SLC38A1: variants seen among roughly 807,000 people sequenced by gnomAD.
SLC38A1 encodes sodium-coupled neutral amino acid symporter 1.
A neutral mutation model predicts 60.3 loss-of-function variants in SLC38A1; 18 were observed. The observed-to-expected ratio is 0.30, with a 90% confidence interval of 0.21 to 0.44. The LOEUF is 0.44. Ranked by LOEUF, SLC38A1 falls within the 20% of genes least tolerant of loss-of-function variation. The pLI is 1.00. For missense variants in SLC38A1, 448 were observed against 587.2 expected (o/e 0.76, Z 2.45); for synonymous variants, 196 against 212.1 (o/e 0.92, Z 0.66).
chr12:46,221,809 G>A (rs1592107993), intron 5 of SLC38A1, among the ~76,000 whole-genome samples: 1 of 152,182 alleles, frequency 6.6e-6, no homozygotes, highest in East Asian at 1.9e-4. Flanking sequence ...CTTACTATTA[G>A]AAAGATACAA....
At chr12:46,262,536 A>G (rs957082501) in intron 1 of SLC38A1, among the ~76,000 whole-genome samples, 5 of 152,220 alleles carry the variant, frequency 3.3e-5, no homozygotes, top group African/African-American at 1.2e-4. Flanking sequence ...ACAGCCTGGA[A>G]TATTTCAGCC....
intron 3 of SLC38A1, among the ~76,000 whole-genome samples, chr12:46,233,023 T>C (rs1397806580): frequency 6.6e-6 from 1 of 152,128 alleles, no homozygotes; most frequent in Admixed American, 6.5e-5. Flanking sequence ...TTTATTATTA[T>C]TATTATTATT....
In SLC38A1 at chr12:46,215,731, C is replaced by A. The variant is rs148745609; in HGVS notation, c.315-6604G>T. Among the ~76,000 whole-genome samples, 7 of 152,252 alleles carry A rather than the reference C, an allele frequency of 4.6e-5. No homozygotes were observed. The East Asian group carries it at 1.4e-3, about 29-fold the overall frequency. On this transcript the variant is annotated intron_variant, in intron 5 of 16. Coordinates refer to ENST00000398637, the MANE Select transcript of SLC38A1 (RefSeq NM_030674.4). ...ACCTCCCCTCCCCCATGTTTCACTC[C>A]TTCCAAAAGGGATCTGAGGCTTACT...
intron 3 of SLC38A1, among the ~76,000 whole-genome samples, chr12:46,231,790 C>T (rs143973775): frequency 0.016 from 2,394 of 152,308 alleles, 66 homozygotes; most frequent in African/African-American, 0.053. Flanking sequence ...CAGGTATGCA[C>T]CACCACGCCC....
At chr12:46,256,597 GT>G (rs1364648482) in intron 1 of SLC38A1, among the ~76,000 whole-genome samples, 59 of 143,482 alleles carry the variant, frequency 4.1e-4, no homozygotes, top group African/African-American at 1.5e-3. Context: ...ACCTCATCCA[GT>G]TTGCGCGCGC....
rs1941950813 is a variant in SLC38A1, at chr12:46,254,233, T to C, written c.-208-10919A>G. Among the ~76,000 whole-genome samples, 3 of 152,312 alleles carry C rather than the reference T, an allele frequency of 2.0e-5. No individual in the cohort carries two copies. The South Asian group carries it at 6.2e-4, about 32-fold the overall frequency. On this transcript the variant is annotated intron_variant, in intron 1 of 16. Coordinates refer to ENST00000398637, the MANE Select transcript of SLC38A1 (RefSeq NM_030674.4). The stretch of plus-strand genomic sequence containing the variant: ...TACATTACTCATCCCTCTTGTTTCT[T>C]CTGAGCAGCAGCTAGAGATCACTGG...
chr12:46,185,215 C>G lies in SLC38A1; in HGVS notation c.*3755G>C, dbSNP rs1239405423. ...CCATGTCTGGGAGGGGGCTGAGAAT[C>G]TGCATTCTAATGAGGTCCCCGATGA... On this transcript the variant is annotated 3_prime_UTR_variant, in exon 17 of 17. Coordinates refer to ENST00000398637, the MANE Select transcript of SLC38A1 (RefSeq NM_030674.4). 2 of 152,230 alleles carry G rather than the reference C, an allele frequency of 1.3e-5. No homozygotes were observed. Among genetic ancestry groups the G allele is most frequent in the Admixed American group, 6.5e-5 (1 of 15,286 alleles). The allele number at this position is 152,230 out of a possible 1,614,324, so 9.4% of individuals were successfully genotyped here. A position where few individuals can be genotyped will look rare whatever the true frequency, so the allele number is the denominator to read the frequency against.
rs1942441383 is a variant in SLC38A1, at chr12:46,268,608, T to A, written c.-291A>T. ...GGTTTTTACCCTCGGCAGTTTGATGTCCTTTGTGTCAAGGTCTGGCTGCGG... is the reference window on the plus strand; with the variant it reads ...GGTTTTTACCCTCGGCAGTTTGATGACCTTTGTGTCAAGGTCTGGCTGCGG... On this transcript the variant is annotated 5_prime_UTR_variant, in exon 1 of 17. Coordinates refer to ENST00000398637, the MANE Select transcript of SLC38A1 (RefSeq NM_030674.4). This position sits in a 1 kb window ranked among gnomAD's most constrained non-coding sequence, Gnocchi z 4.4. 1 of 192,340 alleles carries A rather than the reference T, an allele frequency of 5.2e-6. No homozygotes were observed. The highest frequency in any genetic ancestry group is 1.2e-5 in the Non-Finnish European group (1 of 86,448). The allele number at this position is 192,340 out of a possible 1,614,324, so 11.9% of individuals were successfully genotyped here. A position where few individuals can be genotyped will look rare whatever the true frequency, so the allele number is the denominator to read the frequency against.
rs1592285582 is a variant in SLC38A1 at position 46,187,772 on chromosome 12, A to G, written c.*1198T>C. ...CTGTCAGAAGCTCTTCACAAAGACT[A>G]TCTCTGAGGGTTTTTTTTTTTTTTT... On this transcript the variant is annotated 3_prime_UTR_variant, in exon 17 of 17. Coordinates refer to ENST00000398637, the MANE Select transcript of SLC38A1 (RefSeq NM_030674.4). 1 of 135,940 alleles carries G rather than the reference A, an allele frequency of 7.4e-6. No homozygotes were observed. The highest frequency in any genetic ancestry group is 2.3e-4 in the East Asian group (1 of 4,356). 8.4% of individuals were successfully genotyped at this position (135,940 alleles called of 1,614,324 possible).
intron 1 of SLC38A1, among the ~76,000 whole-genome samples, chr12:46,249,155 CAAAA>C (rs59948188): frequency 4.3e-5 from 2 of 46,516 alleles, no homozygotes; most frequent in Non-Finnish European, 4.6e-5. Flanking sequence ...GACTCCGCCT[CAAAA>C]AAAAAAAAAA....
In SLC38A1 at chr12:46,204,335, G is replaced by A. The variant is rs369551715; in HGVS notation, c.788C>T (p.Thr263Met). 1.3e-5 allele frequency: 21 copies of A among 1,612,788 alleles called. No homozygotes were observed. The highest frequency in any genetic ancestry group is 4.5e-5 in the East Asian group (2 of 44,808). The change falls in exon 11 of 17, where the codon ACG becomes ATG. Residue 263 changes from threonine to methionine, a missense_variant. By Grantham distance (81) the Thr-to-Met change is moderately conservative. Transcript: ENST00000398637. ...GAAGGTAACATATTTTGGCGTACAC[G>A]TGTCAGCATTTGTTGAATTAGCACT... The part of the protein sequence containing the change: ...TISANSTNAD[T>M]CTPKYVTFNS...
chr12:46,251,517 C>T (rs1377627505), intron 1 of SLC38A1, among the ~76,000 whole-genome samples: 1 of 152,152 alleles, frequency 6.6e-6, no homozygotes, highest in Non-Finnish European at 1.5e-5. Flanking sequence ...AACTAAAGAG[C>T]TTCAGCACAG....
intron 9 of SLC38A1, 75 bp from the exon 10 acceptor site, chr12:46,204,665 C>T (rs1939814770): frequency 8.9e-7 from 1 of 1,117,376 alleles, no homozygotes. Flanking sequence ...CCATCATAAA[C>T]TGTTATTATT....
At chr12:46,192,227 G>A (rs1939174354) in intron 16 of SLC38A1, among the ~76,000 whole-genome samples, 1 of 152,212 alleles carries the variant, frequency 6.6e-6, no homozygotes, top group African/African-American at 2.4e-5. Flanking sequence ...TTATGTGATG[G>A]ATTACATTTA....
intron 5 of SLC38A1, among the ~76,000 whole-genome samples, 185 bp from the exon 6 acceptor site, chr12:46,209,312 G>A (rs1381407545): frequency 6.6e-6 from 1 of 152,332 alleles, no homozygotes; most frequent in East Asian, 1.9e-4. Flanking sequence ...AAATAAAGAA[G>A]TGCTCATTAG....
chr12:46,222,550 AT>A (rs1940700946), intron 5 of SLC38A1, among the ~76,000 whole-genome samples: 1 of 151,996 alleles, frequency 6.6e-6, no homozygotes, highest in African/African-American at 2.4e-5. Flanking sequence ...AACCTAGGAG[AT>A]TTTTCCTCAC....
At chr12:46,234,041 G>C (rs186395503) in intron 3 of SLC38A1, among the ~76,000 whole-genome samples, 70 of 152,282 alleles carry the variant, frequency 4.6e-4, no homozygotes, top group Non-Finnish European at 8.1e-4. Flanking sequence ...CCTTGAGGAG[G>C]TCCTCTTTCT....
chr12:46,256,750 T>C (rs527672913), intron 1 of SLC38A1, among the ~76,000 whole-genome samples: 6 of 152,262 alleles, frequency 3.9e-5, no homozygotes, highest in Admixed American at 1.3e-4. Context: ...GCTGGCTGCA[T>C]CACAGCCCTG....
chr12:46,214,174 G>T (rs1054212786), intron 5 of SLC38A1, among the ~76,000 whole-genome samples: 13 of 152,046 alleles, frequency 8.6e-5, no homozygotes, highest in African/African-American at 2.9e-4. Context: ...TGAAAGTTGG[G>T]ATTAAATTAG....
Sources: gnomAD v4.1 joint callset for allele counts (sites outside exome capture counted in the v4.1 genomes callset) on GRCh38, gnomAD v4.1.1 for gene constraint, Gnocchi (gnomAD v3.1) non-coding constraint, MANE v1.5 for transcripts, NCBI Gene and HGNC (gene_info 2026-07-23, HGNC 2026-07-21) for gene names.